RNF180: variants seen among roughly 807,000 people sequenced by gnomAD.
The protein encoded by RNF180 is E3 ubiquitin-protein ligase RNF180.
In RNF180, 38 loss-of-function variants were observed where a neutral mutation model predicts 59.2. That is an observed-to-expected ratio of 0.64 (90% CI 0.50 to 0.84). The LOEUF (loss-of-function observed/expected upper bound fraction) is 0.84. Among genes scored for constraint, RNF180 ranks in the 40% least tolerant of loss-of-function variants. The probability of loss-of-function intolerance (pLI) is 0.00; values close to 1 mark genes in which losing one functional copy is unlikely to be tolerated. For synonymous variants in RNF180, 262 were observed against 240.3 expected, an observed-to-expected ratio of 1.09 and a Z score of -0.84; for missense variants, 705 against 700.9, an observed-to-expected ratio of 1.01 and a Z score of -0.07.
At chr5:64,206,737 G>A (rs1752034259) in intron 2 of RNF180, among the ~76,000 whole-genome samples, 1 of 152,042 alleles carries the variant, frequency 6.6e-6, no homozygotes, top group African/African-American at 2.4e-5. Context: ...CATAAAGATG[G>A]GGCCTTAATC....
At chr5:64,252,562 C>T (rs72752824) in intron 5 of RNF180, among the ~76,000 whole-genome samples, 15,331 of 151,890 alleles carry the variant, frequency 0.1, 878 homozygotes, top group South Asian at 0.17. Context: ...GGTTTTTTGT[C>T]AATTAAAAAG....
chr5:64,173,617 C>T (rs1046489315), intron 1 of RNF180, among the ~76,000 whole-genome samples: 1 of 151,792 alleles, frequency 6.6e-6, no homozygotes, highest in Non-Finnish European at 1.5e-5. Context: ...ATCTCTCTCC[C>T]TCCTCCTTTC....
chr5:64,232,953 T>C (rs1742187417), intron 5 of RNF180, among the ~76,000 whole-genome samples: 1 of 152,214 alleles, frequency 6.6e-6, no homozygotes, highest in South Asian at 2.1e-4. Flanking sequence ...GCTTAAGAAG[T>C]TGTGCTCTTA....
intron 5 of RNF180, among the ~76,000 whole-genome samples, chr5:64,240,656 C>T (rs996428410): frequency 2.6e-5 from 4 of 152,060 alleles, no homozygotes; most frequent in African/African-American, 9.7e-5. Context: ...TGATTACTTA[C>T]CCCCTCATTC....
chr5:64,244,008 TAGA>T (rs1742992284), intron 5 of RNF180, among the ~76,000 whole-genome samples: 1 of 151,954 alleles, frequency 6.6e-6, no homozygotes, highest in Admixed American at 6.6e-5. Flanking sequence ...GCCTGACTGT[TAGA>T]AGGAAAACTA....
chr5:64,249,737 T>C (rs1743439219), intron 5 of RNF180, among the ~76,000 whole-genome samples: 1 of 152,178 alleles, frequency 6.6e-6, no homozygotes, highest in Non-Finnish European at 1.5e-5. Context: ...ACATGGTCAT[T>C]ATGTAATGGC....
chr5:64,215,542 A>G (rs1752575255), intron 4 of RNF180, among the ~76,000 whole-genome samples: 1 of 152,102 alleles, frequency 6.6e-6, no homozygotes, highest in South Asian at 2.1e-4. Context: ...GCTAAAACGC[A>G]TTTCAGTTTG....
chr5:64,276,348 G>GTGTGTGTGTGTA (rs1181671518), intron 5 of RNF180, among the ~76,000 whole-genome samples: 2 of 146,122 alleles, frequency 1.4e-5, no homozygotes, highest in Non-Finnish European at 3.0e-5. Flanking sequence ...GTGTGTGTGT[G>GTGTGTGTGTGTA]TGTGTGTGTG....
intron 7 of RNF180, among the ~76,000 whole-genome samples, chr5:64,332,226 G>T (rs558775879): frequency 6.6e-6 from 1 of 152,308 alleles, no homozygotes; most frequent in Non-Finnish European, 1.5e-5. Flanking sequence ...GAGGTTTCTG[G>T]CTGGTGAAGT....
chr5:64,342,218 T>A (rs921651256), intron 7 of RNF180, among the ~76,000 whole-genome samples: 15 of 152,098 alleles, frequency 9.9e-5, no homozygotes, highest in Non-Finnish European at 2.2e-4. Flanking sequence ...AAAATCACAT[T>A]TACAAACAAA....
intron 4 of RNF180, among the ~76,000 whole-genome samples, chr5:64,216,804 T>C (rs1752655088): frequency 6.6e-6 from 1 of 152,216 alleles, no homozygotes; most frequent in African/African-American, 2.4e-5. Context: ...AGCAAACCTC[T>C]TTTTTATCCA....
chr5:64,290,880 A>G (rs950657800), intron 5 of RNF180, among the ~76,000 whole-genome samples: 4 of 152,050 alleles, frequency 2.6e-5, no homozygotes, highest in African/African-American at 9.7e-5. Flanking sequence ...TTACGTCTAA[A>G]GTTAATATTG....
chr5:64,184,433 G>A (rs973699747), intron 1 of RNF180, among the ~76,000 whole-genome samples: 1 of 151,564 alleles, frequency 6.6e-6, no homozygotes, highest in African/African-American at 2.4e-5. Flanking sequence ...TTATTTCATC[G>A]GGGTCAAAAA....
intron 5 of RNF180, among the ~76,000 whole-genome samples, chr5:64,301,673 T>G (rs1036307041): frequency 1.3e-5 from 2 of 149,746 alleles, no homozygotes; most frequent in Non-Finnish European, 3.0e-5. Context: ...AATGTCTTAG[T>G]CATATATTTG....
intron 1 of RNF180, among the ~76,000 whole-genome samples, chr5:64,166,917 A>G (rs769164831): frequency 2.6e-5 from 4 of 152,216 alleles, no homozygotes; most frequent in African/African-American, 2.4e-5. Context: ...GTATTTTTAT[A>G]TACTCATTAA....
intron 7 of RNF180, among the ~76,000 whole-genome samples, chr5:64,349,969 T>C (rs1745727134): frequency 6.6e-6 from 1 of 151,488 alleles, no homozygotes; most frequent in African/African-American, 2.4e-5. Context: ...TTTCTAATTC[T>C]AGATCCTTGA....
intron 5 of RNF180, among the ~76,000 whole-genome samples, chr5:64,295,354 T>C (rs1742827227): frequency 6.6e-6 from 1 of 152,182 alleles, no homozygotes; most frequent in Admixed American, 6.6e-5. Flanking sequence ...TGAGACCTAG[T>C]TGGTTCTCGT....
rs142108516 is a variant in RNF180, at chr5:64,214,072, A to G, written c.746A>G (p.His249Arg). ...LTLLPTLYEI[H>R]SKTTAYSRLN... The stretch of plus-strand genomic sequence containing the variant: ...TTATTACCCACTTTATATGAAATAC[A>G]TAGTAAGACTACTGCCTATTCCAGA... Residue 249 changes from histidine (H) to arginine (R), a missense_variant, in exon 4 of 8, where the codon CAT (histidine) becomes CGT (arginine). His to Arg is a conservative substitution (Grantham distance 29). Transcript: ENST00000389100. The G allele has an allele frequency of 6.1e-5, 98 of 1,614,066 alleles. No homozygotes were observed. The highest frequency in any genetic ancestry group is 8.1e-5 in the Non-Finnish European group (95 of 1,179,950).
chr5:64,240,232 A>G lies in RNF180; in HGVS notation c.1227+22836A>G, dbSNP rs529307815. Among the ~76,000 whole-genome samples the G allele has an allele frequency of 1.6e-4, 25 of 152,338 alleles. 1 individual carries two copies. In the South Asian group the frequency reaches 5.2e-3, roughly 32 times the overall value. ...TTCTCATAGTATATTAAATATAGAA[A>G]TGCCCTATTAACCATATCTTCTTTT... On this transcript the variant is annotated intron_variant, in intron 5 of 7. Transcript: ENST00000389100.
Sources: allele counts gnomAD v4.1 joint callset (sites outside exome capture counted in the v4.1 genomes callset), GRCh38; gene constraint gnomAD v4.1.1; transcripts MANE v1.5; gene names NCBI Gene and HGNC (gene_info 2026-07-23, HGNC 2026-07-21).